CMIP: variants seen among roughly 807,000 people sequenced by gnomAD.
CMIP encodes c-Maf inducing protein.
CMIP carries 13 observed loss-of-function variants against 97.3 expected under a neutral mutation model. The ratio of observed to expected loss-of-function variants is 0.13; its 90% confidence interval spans 0.09 to 0.21. CMIP has a LOEUF of 0.21. Ranked by LOEUF, CMIP falls within the 10% of genes least tolerant of loss-of-function variation. The pLI is 1.00. For missense variants in CMIP, 847 were observed against 1,024.9 expected (o/e 0.83, Z 2.37); for synonymous variants, 538 against 436.3 (o/e 1.23, Z -2.91).
intron 3 of CMIP, among the ~76,000 whole-genome samples, chr16:81,633,266 C>T (rs927166647): frequency 6.6e-6 from 1 of 152,214 alleles, no homozygotes; most frequent in Non-Finnish European, 1.5e-5. Flanking sequence ...GCAGTGGAGG[C>T]CCCTGAGCTG....
intron 1 of CMIP, among the ~76,000 whole-genome samples, chr16:81,599,004 T>C (rs570184135): frequency 6.8e-6 from 1 of 147,726 alleles, no homozygotes; most frequent in Admixed American, 6.7e-5. Context: ...TAGTAACCTT[T>C]TGAGGGCCTG....
At chr16:81,457,603 C>T (rs1906633385) in intron 1 of CMIP, among the ~76,000 whole-genome samples, 1 of 152,226 alleles carries the variant, frequency 6.6e-6, no homozygotes, top group African/African-American at 2.4e-5. Flanking sequence ...GCCACATGTC[C>T]CCGGGGGGCC....
intron 1 of CMIP, among the ~76,000 whole-genome samples, chr16:81,492,331 G>A (rs962424977): frequency 6.6e-6 from 1 of 152,246 alleles, no homozygotes; most frequent in Non-Finnish European, 1.5e-5. Flanking sequence ...AAATGGTGCA[G>A]TGTTCAGTGT....
chr16:81,500,879 C>G lies in CMIP; in HGVS notation c.300+55338C>G, dbSNP rs139713443. On this transcript the variant is annotated intron_variant, in intron 1 of 20. Transcript: ENST00000537098. The stretch of plus-strand genomic sequence containing the variant: ...CCTTCCTTCTTTGCATGTGCCAAGC[C>G]AAGCCTTGTGCATCTGCGTCTTTGA... Among the ~76,000 whole-genome samples the G allele has an allele frequency of 1.9e-4, 29 of 152,238 alleles. No individual in the cohort carries two copies. In the East Asian group the frequency reaches 5.4e-3, roughly 28 times the overall value.
intron 3 of CMIP, among the ~76,000 whole-genome samples, chr16:81,648,943 C>G (rs1250393051): frequency 6.6e-6 from 1 of 152,064 alleles, no homozygotes. Context: ...CCCTCATTGC[C>G]TATATCATGT....
chr16:81,528,952 C>T (rs779983983), intron 1 of CMIP, among the ~76,000 whole-genome samples: 2 of 152,064 alleles, frequency 1.3e-5, no homozygotes, highest in East Asian at 3.9e-4. Flanking sequence ...TGCACCCACC[C>T]GTCCATCCAC....
rs941764585 is a variant in CMIP at position 81,536,935 on chromosome 16, G to A, written c.301-70632G>A. Among the ~76,000 whole-genome samples, 9 of 152,094 alleles carry A rather than the reference G, an allele frequency of 5.9e-5. No individual in the cohort carries two copies. The East Asian group carries it at 1.3e-3, about 23-fold the overall frequency. ...CCCTGCCCTGCACCTCCCGCCAGCCGTTGCTCTCCCCAGGGGTAACTGCTC... is the reference window on the plus strand; with the variant it reads ...CCCTGCCCTGCACCTCCCGCCAGCCATTGCTCTCCCCAGGGGTAACTGCTC... On this transcript the variant is annotated intron_variant, in intron 1 of 20. Transcript: ENST00000537098.
At chr16:81,641,951 A>T (rs561325317) in intron 3 of CMIP, among the ~76,000 whole-genome samples, 22 of 152,366 alleles carry the variant, frequency 1.4e-4, no homozygotes, top group African/African-American at 5.3e-4. Context: ...TAGTAGCTGC[A>T]TGACTTACCT....
intron 1 of CMIP, among the ~76,000 whole-genome samples, chr16:81,479,587 G>A (rs2150754940): frequency 6.6e-6 from 1 of 152,022 alleles, no homozygotes; most frequent in South Asian, 2.1e-4. Flanking sequence ...CATATGAATG[G>A]GTTAATATAG....
At chr16:81,580,909 C>T (rs944057655) in intron 1 of CMIP, among the ~76,000 whole-genome samples, 2 of 152,200 alleles carry the variant, frequency 1.3e-5, no homozygotes, top group Non-Finnish European at 2.9e-5. Context: ...CACGAAATCT[C>T]GTGCCCATTA....
chr16:81,575,261 T>G (rs538329414), intron 1 of CMIP, among the ~76,000 whole-genome samples: 1 of 152,290 alleles, frequency 6.6e-6, no homozygotes, highest in Admixed American at 6.5e-5. Flanking sequence ...TCATGCAGTG[T>G]TGGAATGGGG....
intron 1 of CMIP, among the ~76,000 whole-genome samples, chr16:81,474,366 C>G (rs1249008921): frequency 6.6e-6 from 1 of 152,124 alleles, no homozygotes; most frequent in South Asian, 2.1e-4. Context: ...TTCCATTCCT[C>G]CCTTCCCCCT....
chr16:81,560,736 CT>C (rs2090866239), intron 1 of CMIP, among the ~76,000 whole-genome samples: 1 of 152,162 alleles, frequency 6.6e-6, no homozygotes, highest in Non-Finnish European at 1.5e-5. Flanking sequence ...TGTACCTTTT[CT>C]GTGTTTAAAT....
intron 3 of CMIP, among the ~76,000 whole-genome samples, chr16:81,648,996 C>T (rs1394925337): frequency 6.6e-6 from 1 of 152,076 alleles, no homozygotes; most frequent in African/African-American, 2.4e-5. Flanking sequence ...TCTTGCCCGT[C>T]TCACTTCCCC....
At chr16:81,568,628 T>A (rs1285055507) in intron 1 of CMIP, among the ~76,000 whole-genome samples, 1 of 152,182 alleles carries the variant, frequency 6.6e-6, no homozygotes, top group African/African-American at 2.4e-5. Context: ...TTACATTTGT[T>A]TCTCGCTTTC....
intron 1 of CMIP, among the ~76,000 whole-genome samples, chr16:81,479,611 C>G (rs1022468746): frequency 6.6e-6 from 1 of 151,998 alleles, no homozygotes; most frequent in Non-Finnish European, 1.5e-5. Flanking sequence ...TTGTCTTTTT[C>G]GTGTCTGGGT....
intron 9 of CMIP, among the ~76,000 whole-genome samples, chr16:81,673,025 A>C (rs763390448): frequency 2.0e-5 from 3 of 152,192 alleles, no homozygotes; most frequent in Non-Finnish European, 4.4e-5. Context: ...GGGTAAGAAA[A>C]ACCGTGAGAG....
chr16:81,460,342 C>G (rs945267282), intron 1 of CMIP, among the ~76,000 whole-genome samples: 1 of 152,098 alleles, frequency 6.6e-6, no homozygotes. Context: ...GGGTGGGTGG[C>G]GTCCCTCAGC....
rs192584534 is a variant in CMIP at position 81,698,969 on chromosome 16, G to A, written c.1639-716G>A. Among the ~76,000 whole-genome samples, 7 of 152,322 alleles carry A rather than the reference G, an allele frequency of 4.6e-5. No individual in the cohort carries two copies. The East Asian group carries it at 1.3e-3, about 29-fold the overall frequency. ...TACAGATTCTTGAAAAAACTAGCAA[G>A]GGCCGGGCACAGTGGCTCACGCCTG... On this transcript the variant is annotated intron_variant, in intron 14 of 20. Coordinates refer to ENST00000537098, the MANE Select transcript of CMIP (RefSeq NM_198390.3).
Sources: allele counts gnomAD v4.1 joint callset (sites outside exome capture counted in the v4.1 genomes callset), GRCh38; gene constraint gnomAD v4.1.1; transcripts MANE v1.5; gene names NCBI Gene and HGNC (gene_info 2026-07-23, HGNC 2026-07-21).